LGSN: variants seen among roughly 807,000 people sequenced by gnomAD.
LGSN encodes the protein lengsin.
A neutral mutation model predicts 19.5 loss-of-function variants in LGSN; 21 were observed. The observed-to-expected ratio is 1.07, with a 90% CI of 0.76 to 1.55. LGSN has a LOEUF of 1.55. Ranked by LOEUF, LGSN falls within the 40% of genes most tolerant of loss-of-function variation. LGSN has a pLI of 0.00. For synonymous variants in LGSN, 257 were observed against 215.6 expected (o/e 1.19, Z -1.68); for missense variants, 673 against 608.5 (o/e 1.11, Z -1.12).
At chr6:63,359,865 C>CA in the LGSN span, among the ~76,000 whole-genome samples, 1 of 151,838 alleles carries the variant, frequency 6.6e-6, no homozygotes, top group Non-Finnish European at 1.5e-5. Flanking sequence ...CTGGTGGTGA[C>CA]AAAATCTCTC....
At chr6:63,493,368 T>C in the LGSN span, among the ~76,000 whole-genome samples, 1 of 152,240 alleles carries the variant, frequency 6.6e-6, no homozygotes, top group East Asian at 1.9e-4. Flanking sequence ...ACTCAGCTTA[T>C]AGGTGACAAA....
chr6:63,512,505 T>C, the LGSN span, among the ~76,000 whole-genome samples: 1 of 152,190 alleles, frequency 6.6e-6, no homozygotes, highest in Non-Finnish European at 1.5e-5. Context: ...ATGCCCCACT[T>C]TTTATTTAAT....
At chr6:63,426,568 G>T in the LGSN span, among the ~76,000 whole-genome samples, 1 of 152,018 alleles carries the variant, frequency 6.6e-6, no homozygotes, top group Non-Finnish European at 1.5e-5. Context: ...AGGCTAGAGT[G>T]CAATGGCACA....
chr6:63,370,279 T>G, the LGSN span, among the ~76,000 whole-genome samples: 6 of 152,196 alleles, frequency 3.9e-5, no homozygotes, highest in African/African-American at 1.4e-4. Flanking sequence ...GGTACAGGTA[T>G]AGAAGCTAAA....
the LGSN span, among the ~76,000 whole-genome samples, chr6:63,497,766 T>C: frequency 6.6e-6 from 1 of 151,966 alleles, no homozygotes; most frequent in Non-Finnish European, 1.5e-5. Context: ...TTTATAGCCC[T>C]TTATATTTTA....
chr6:63,413,028 C>A, the LGSN span, among the ~76,000 whole-genome samples: 1 of 151,970 alleles, frequency 6.6e-6, no homozygotes, highest in African/African-American at 2.4e-5. Flanking sequence ...TAAAATAAGT[C>A]AATAAGGTGA....
intron 1 of LGSN, 65 bp from the exon 2 acceptor site, chr6:63,295,110 G>T: frequency 6.8e-7 from 1 of 1,476,926 alleles, no homozygotes; most frequent in Non-Finnish European, 9.4e-7. Context: ...TTTGGATGTC[G>T]AAAGAGTATA....
intron 3 of LGSN, among the ~76,000 whole-genome samples, chr6:63,282,675 C>T (rs924945621): frequency 6.6e-6 from 1 of 152,180 alleles, no homozygotes; most frequent in Non-Finnish European, 1.5e-5. Context: ...TTTTTGAATG[C>T]TATTTGACTG....
the LGSN span, among the ~76,000 whole-genome samples, chr6:63,525,392 G>A: frequency 2.6e-5 from 4 of 152,274 alleles, no homozygotes; most frequent in South Asian, 8.3e-4. Context: ...GAGGAAGGAG[G>A]TGGAACACAC....
the LGSN span, among the ~76,000 whole-genome samples, chr6:63,494,337 G>A: frequency 3.9e-5 from 6 of 151,964 alleles, no homozygotes; most frequent in Non-Finnish European, 2.9e-5. Context: ...AGTCTTATGT[G>A]TTCACTCTTA....
the LGSN span, among the ~76,000 whole-genome samples, chr6:63,346,024 T>C: frequency 6.6e-6 from 1 of 152,220 alleles, no homozygotes; most frequent in Non-Finnish European, 1.5e-5. Flanking sequence ...AAGTATACTT[T>C]TGTGATATTG....
At chr6:63,513,910 C>CA in the LGSN span, among the ~76,000 whole-genome samples, 783 of 10,342 alleles carry the variant, frequency 0.076, 49 homozygotes, top group African/African-American at 0.12. Flanking sequence ...GACTTCATCT[C>CA]AAAAAAAAAA....
the LGSN span, among the ~76,000 whole-genome samples, chr6:63,553,819 T>C: frequency 6.6e-6 from 1 of 152,192 alleles, no homozygotes; most frequent in African/African-American, 2.4e-5. Context: ...ACAAAACCAT[T>C]GCCCAGCCTG....
the LGSN span, among the ~76,000 whole-genome samples, chr6:63,472,654 A>G: frequency 6.6e-6 from 1 of 152,160 alleles, no homozygotes; most frequent in Non-Finnish European, 1.5e-5. Context: ...ATTATGCCCA[A>G]TTCGGGCCGG....
the LGSN span, among the ~76,000 whole-genome samples, chr6:63,501,032 A>G: frequency 6.7e-6 from 1 of 149,312 alleles, no homozygotes; most frequent in Non-Finnish European, 1.5e-5. Context: ...CCTGACTGAC[A>G]GGTTATTTCA....
chr6:63,333,106 C>T, the LGSN span, among the ~76,000 whole-genome samples: 8 of 151,908 alleles, frequency 5.3e-5, no homozygotes, highest in African/African-American at 1.9e-4. Flanking sequence ...AAAAAGCTTC[C>T]ACAGTGTGGA....
the LGSN span, among the ~76,000 whole-genome samples, chr6:63,399,692 G>A: frequency 1.0e-3 from 152 of 150,046 alleles, 2 homozygotes; most frequent in African/African-American, 3.3e-3. Flanking sequence ...CACTGCACCC[G>A]GCCATCATTT....
the LGSN span, among the ~76,000 whole-genome samples, chr6:63,434,439 CAAAAAAAA>C: frequency 1.9e-5 from 2 of 106,018 alleles, no homozygotes; most frequent in Non-Finnish European, 3.7e-5. Context: ...GACTCCATCT[CAAAAAAAA>C]AAAAAAAAAA....
At chr6:63,333,970 C>T in the LGSN span, among the ~76,000 whole-genome samples, 1 of 152,180 alleles carries the variant, frequency 6.6e-6, no homozygotes, top group Non-Finnish European at 1.5e-5. Context: ...AGAAAATATA[C>T]TTCACAATCA....
Sources: gnomAD v4.1 joint callset for allele counts (sites outside exome capture counted in the v4.1 genomes callset) on GRCh38, gnomAD v4.1.1 for gene constraint, MANE v1.5 for transcripts, NCBI Gene and HGNC (gene_info 2026-07-23, HGNC 2026-07-21) for gene names.